The following COBLL1 variants were observed in gnomAD, a reference collection of about 807,000 sequenced individuals.
The protein encoded by COBLL1 is cordon-bleu WH2 repeat protein like 1.
In COBLL1, 50 loss-of-function variants were observed where a neutral mutation model predicts 94.8. The observed-to-expected ratio is 0.53, with a 90% confidence interval of 0.42 to 0.67. COBLL1 has a LOEUF of 0.67. COBLL1 is among the 30% of genes least tolerant of loss of function. The pLI, the probability that COBLL1 is intolerant of heterozygous loss-of-function variation, is 0.00. For synonymous variants in COBLL1, 448 were observed against 473.8 expected, an observed-to-expected ratio of 0.95 and a Z score of 0.71; for missense variants, 1,362 against 1,348.7, an observed-to-expected ratio of 1.01 and a Z score of -0.15.
chr2:164,699,566 GACAC>G, intron 10 of COBLL1, 67 bp from the exon 11 acceptor site: 13 of 795,466 alleles, frequency 1.6e-5, no homozygotes, highest in East Asian at 2.6e-5. Context: ...CACACACACA[GACAC>G]ACACACACAC....
At chr2:164,750,543 T>C (rs1239379326) in intron 2 of COBLL1, among the ~76,000 whole-genome samples, 1 of 152,218 alleles carries the variant, frequency 6.6e-6, no homozygotes, top group Non-Finnish European at 1.5e-5. Context: ...TCAAAAGCCT[T>C]TTCACTGGTC....
At chr2:164,811,737 AT>A (rs1414901977) in intron 2 of COBLL1, among the ~76,000 whole-genome samples, 1 of 152,012 alleles carries the variant, frequency 6.6e-6, no homozygotes, top group African/African-American at 2.4e-5. Context: ...AAAAAAGTAT[AT>A]TTAGGTTTCT....
chr2:164,705,749 GGTGGCTCACACCTGTAATTCCAAAGT>G (rs1175523304), intron 7 of COBLL1, among the ~76,000 whole-genome samples: 2 of 152,168 alleles, frequency 1.3e-5, no homozygotes, highest in South Asian at 2.1e-4. Context: ...GAGTTGTTCA[GGTGGCTCACACCTGTAATTCCAAAGT>G]GTGGCTCACA....
chr2:164,675,854 G>T (rs1691327273), downstream of COBLL1, among the ~76,000 whole-genome samples: 1 of 152,092 alleles, frequency 6.6e-6, no homozygotes, highest in Admixed American at 6.5e-5. Flanking sequence ...ATAAGCACTG[G>T]CCACCTGCTG....
intron 2 of COBLL1, among the ~76,000 whole-genome samples, chr2:164,788,329 T>C (rs1006820231): frequency 2.6e-5 from 4 of 152,132 alleles, no homozygotes; most frequent in African/African-American, 9.7e-5. Context: ...TTGGAGCTGC[T>C]ACATCCATTG....
At chr2:164,839,658 A>G (rs559227579) in intron 2 of COBLL1, among the ~76,000 whole-genome samples, 1 of 152,272 alleles carries the variant, frequency 6.6e-6, no homozygotes, top group East Asian at 1.9e-4. Flanking sequence ...TCCAAATCCA[A>G]TTTAATTCTA....
intron 2 of COBLL1, chr2:164,779,581 C>A: frequency 2.2e-6 from 1 of 449,534 alleles, no homozygotes; most frequent in South Asian, 1.7e-5. Flanking sequence ...TGCCATTTCC[C>A]AGAACACAGA....
Position 164,794,302 on chromosome 2 carries a change from A to G in COBLL1, c.41+46854T>C, listed in dbSNP as rs867719996. ...ATGCATACCATAAATCATTCCATAGATGCAAGGTAAAAGAAAACTGCATTT... is the reference window on the plus strand; with the variant it reads ...ATGCATACCATAAATCATTCCATAGGTGCAAGGTAAAAGAAAACTGCATTT... On this transcript the variant is annotated intron_variant, in intron 2 of 13. Coordinates refer to ENST00000652658, the MANE Select transcript of COBLL1 (RefSeq NM_001365672.2). Among the ~76,000 whole-genome samples, 33 of 152,312 alleles carry G rather than the reference A, an allele frequency of 2.2e-4. 1 individual carries two copies. The Middle Eastern group carries it at 0.01, about 47-fold the overall frequency.
intron 7 of COBLL1, among the ~76,000 whole-genome samples, chr2:164,715,390 TATA>T (rs1685113348): frequency 6.6e-6 from 1 of 151,918 alleles, no homozygotes; most frequent in Non-Finnish European, 1.5e-5. Context: ...ATATAATAAA[TATA>T]AGAGGAAAAT....
intron 2 of COBLL1, among the ~76,000 whole-genome samples, chr2:164,834,151 T>C (rs1452670525): frequency 2.0e-5 from 3 of 152,180 alleles, no homozygotes; most frequent in South Asian, 4.1e-4. Flanking sequence ...CTTGAGTATA[T>C]GAGTATCTTG....
intron 7 of COBLL1, among the ~76,000 whole-genome samples, chr2:164,714,154 A>AAC (rs10563101): frequency 0.047 from 6,938 of 148,422 alleles, 411 homozygotes; most frequent in East Asian, 0.35. Flanking sequence ...AATAGAAAGA[A>AAC]ACACACACAC....
chr2:164,740,846 T>C (rs890173489), intron 3 of COBLL1, among the ~76,000 whole-genome samples: 22 of 152,122 alleles, frequency 1.4e-4, no homozygotes, highest in East Asian at 1.2e-3. Context: ...ACCTGAGCTA[T>C]ATAAACTAAC....
At chr2:164,680,115 G>C (rs577755326), downstream of COBLL1, 4 of 151,678 alleles carry the variant, frequency 2.6e-5, no homozygotes, top group Non-Finnish European at 5.9e-5. Context: ...ATTCTTAATG[G>C]GTGGAAGGAG....
intron 7 of COBLL1, chr2:164,718,124 G>T: frequency 2.8e-6 from 1 of 360,196 alleles, no homozygotes; most frequent in Non-Finnish European, 3.9e-6. Flanking sequence ...ATATAAGTGT[G>T]ACACATTCTC....
intron 7 of COBLL1, among the ~76,000 whole-genome samples, chr2:164,718,921 G>C (rs3754954): frequency 6.6e-5 from 10 of 151,540 alleles, no homozygotes; most frequent in Admixed American, 6.0e-4. Flanking sequence ...CTATCAATGA[G>C]GAGGCATTAA....
chr2:164,752,089 T>C (rs923297093), intron 2 of COBLL1, among the ~76,000 whole-genome samples: 2 of 152,192 alleles, frequency 1.3e-5, no homozygotes, highest in African/African-American at 4.8e-5. Flanking sequence ...GGAATGCTAG[T>C]GTCATGTCCC....
chr2:164,723,092 T>C (rs1685539265), intron 5 of COBLL1: 1 of 152,200 alleles, frequency 6.6e-6, no homozygotes, highest in African/African-American at 2.4e-5. Context: ...GACAATTTGA[T>C]TGCCACCATT....
intron 2 of COBLL1, among the ~76,000 whole-genome samples, chr2:164,659,668 G>A (rs1388831985): frequency 6.6e-6 from 1 of 152,166 alleles, no homozygotes; most frequent in East Asian, 1.9e-4. Flanking sequence ...TACCTAGAAG[G>A]ACCAAAGAAC....
At chr2:164,803,816 CAGTGGTGACAAG>C (rs1321516040) in intron 2 of COBLL1, among the ~76,000 whole-genome samples, 2 of 151,972 alleles carry the variant, frequency 1.3e-5, no homozygotes, top group African/African-American at 2.4e-5. Flanking sequence ...AAGCTTGTCA[CAGTGGTGACAAG>C]CAAATACCAA....
Sources: allele counts gnomAD v4.1 joint callset (sites outside exome capture counted in the v4.1 genomes callset), GRCh38; gene constraint gnomAD v4.1.1; transcripts MANE v1.5; gene names NCBI Gene and HGNC (gene_info 2026-07-23, HGNC 2026-07-21).